Variants in PCCA observed in about 807,000 individuals in gnomAD.
PCCA encodes the protein propionyl-CoA carboxylase subunit alpha, also known as propionyl-CoA carboxylase alpha chain, mitochondrial.
PCCA carries 74 observed loss-of-function variants against 101.3 expected under a neutral mutation model. The ratio of observed to expected loss-of-function variants is 0.73; its 90% CI spans 0.61 to 0.89. The LOEUF is 0.89. Among genes scored for constraint, PCCA ranks in the 40% least tolerant of loss-of-function variants. PCCA has a pLI of 0.00. For synonymous variants in PCCA, 294 were observed against 313.6 expected (o/e 0.94, Z 0.66); for missense variants, 891 against 907.0 (o/e 0.98, Z 0.23).
chr13:100,205,538 C>CTTTTTTT (rs3034652), intron 6 of PCCA, among the ~76,000 whole-genome samples: 3 of 112,130 alleles, frequency 2.7e-5, no homozygotes, highest in African/African-American at 3.5e-5. Flanking sequence ...TTGATATAAG[C>CTTTTTTT]TTTTTTTTTT....
In PCCA at chr13:100,371,977, T is replaced by C. The variant is rs1405312948; in HGVS notation, c.1746+3403T>C. On this transcript the variant is annotated intron_variant, in intron 19 of 23. Coordinates refer to ENST00000376285, the MANE Select transcript of PCCA (RefSeq NM_000282.4). ...GAATAAATTTGGGTCCTTTTCTTAC[T>C]CTGTATACAAAACTAACCAAAATGG... Among the ~76,000 whole-genome samples, 2 of 152,202 alleles carry C rather than the reference T, an allele frequency of 1.3e-5. 1 individual carries two copies. The highest frequency in any genetic ancestry group is 2.9e-5 in the Non-Finnish European group (2 of 68,040).
At chr13:100,154,677 T>C in intron 4 of PCCA, 1 of 357,814 alleles carries the variant, frequency 2.8e-6, no homozygotes, top group Non-Finnish European at 5.3e-6. Context: ...ATATCAAATT[T>C]ATGTATTGAT....
At chr13:100,433,118 G>A (rs993380163) in intron 20 of PCCA, among the ~76,000 whole-genome samples, 2 of 152,178 alleles carry the variant, frequency 1.3e-5, no homozygotes, top group African/African-American at 4.8e-5. Context: ...ACAAATATCT[G>A]TTTGAGTACC....
At position 100,276,300 on chromosome 13, in the gene PCCA, C is replaced by A. The variant is rs115314167; in HGVS notation, c.1065+2954C>A. ...TCAATTTATTGAAAATATTATTTCA[C>A]TGTTTCTGGTGAGACTTCCCCACTC... On this transcript the variant is annotated intron_variant, in intron 12 of 23. Transcript: ENST00000376285. Among the ~76,000 whole-genome samples the A allele has an allele frequency of 2.1e-3, 307 of 147,624 alleles. 3 individuals carry two copies. The highest frequency in any genetic ancestry group is 7.4e-3 in the African/African-American group (296 of 40,066).
intron 6 of PCCA, 52 bp from the exon 7 acceptor site, chr13:100,209,280 A>G: frequency 2.6e-6 from 4 of 1,552,540 alleles, no homozygotes; most frequent in East Asian, 2.2e-5. Flanking sequence ...GTGACTCCAC[A>G]TCATGCTCCG....
chr13:100,303,013 TGTAATACCAGCTGAAGG>T lies in PCCA; in HGVS notation c.1284+18_1284+34del, dbSNP rs762232744. 8 of 1,428,040 alleles carry T rather than the reference TGTAATACCAGCTGAAGG, an allele frequency of 5.6e-6. No homozygotes were observed. In the East Asian group the frequency reaches 1.8e-4, roughly 32 times the overall value. The allele number at this position is 1,428,040 out of a possible 1,614,324, so 88.5% of individuals were successfully genotyped here. A position where few individuals can be genotyped will look rare whatever the true frequency, so the allele number is the denominator to read the frequency against. ...ATCTACCTGGTGTAAGTCATTAAGC[TGTAATACCAGCTGAAGG>T]GTTAAAATCGTGATTTATGTCATAC... On this transcript the variant is annotated intron_variant, in intron 14 of 23. Transcript: ENST00000376285.
At chr13:100,514,560 A>G (rs1390882710) in intron 21 of PCCA, among the ~76,000 whole-genome samples, 1 of 152,158 alleles carries the variant, frequency 6.6e-6, no homozygotes, top group Non-Finnish European at 1.5e-5. Context: ...AAACCATTTT[A>G]TCTTTTTTCT....
chr13:100,481,770 T>C (rs2083960468), intron 21 of PCCA, among the ~76,000 whole-genome samples: 1 of 152,152 alleles, frequency 6.6e-6, no homozygotes, highest in Non-Finnish European at 1.5e-5. Context: ...AACTTATACA[T>C]TGTTTATTTC....
intron 4 of PCCA, among the ~76,000 whole-genome samples, chr13:100,152,969 G>T (rs1406643071): frequency 1.3e-5 from 2 of 152,078 alleles, no homozygotes; most frequent in African/African-American, 4.8e-5. Context: ...ATGTGCCTAT[G>T]TGTATCTTTT....
chr13:100,381,788 C>T (rs774885308), intron 19 of PCCA, among the ~76,000 whole-genome samples: 8 of 152,198 alleles, frequency 5.3e-5, no homozygotes, highest in Admixed American at 2.6e-4. Context: ...ACTGACCAGC[C>T]GTTTTGGCGC....
At chr13:100,448,996 A>T (rs571502644) in intron 20 of PCCA, among the ~76,000 whole-genome samples, 1 of 152,310 alleles carries the variant, frequency 6.6e-6, no homozygotes, top group African/African-American at 2.4e-5. Flanking sequence ...TTCCATCTCC[A>T]TGGATTTTAC....
chr13:100,141,251 A>G (rs1480726924), intron 4 of PCCA, among the ~76,000 whole-genome samples: 1 of 152,150 alleles, frequency 6.6e-6, no homozygotes, highest in Non-Finnish European at 1.5e-5. Context: ...ACAGATTTCT[A>G]TACTGGCACC....
At chr13:100,138,922 A>G in intron 4 of PCCA, among the ~76,000 whole-genome samples, 2 of 133,312 alleles carry the variant, frequency 1.5e-5, no homozygotes, top group South Asian at 2.6e-4. Context: ...GAGACAGAGC[A>G]AAACTCCATC....
At chr13:100,407,342 A>G (rs1303629803) in intron 19 of PCCA, among the ~76,000 whole-genome samples, 2 of 152,180 alleles carry the variant, frequency 1.3e-5, no homozygotes, top group Admixed American at 1.3e-4. Context: ...AGGAAAGACA[A>G]TTTTGAAACT....
At chr13:100,472,264 C>T (rs781001153) in intron 21 of PCCA, among the ~76,000 whole-genome samples, 1 of 152,056 alleles carries the variant, frequency 6.6e-6, no homozygotes, top group Non-Finnish European at 1.5e-5. Context: ...TGGGCAAGGT[C>T]CCTGGGCACG....
At chr13:100,147,555 A>G (rs1457676147) in intron 4 of PCCA, among the ~76,000 whole-genome samples, 1 of 152,220 alleles carries the variant, frequency 6.6e-6, no homozygotes, top group African/African-American at 2.4e-5. Context: ...CTATTCCTAG[A>G]ATTTCACTCT....
intron 8 of PCCA, among the ~76,000 whole-genome samples, chr13:100,250,815 A>G (rs2061703407): frequency 6.6e-6 from 1 of 152,154 alleles, no homozygotes; most frequent in Non-Finnish European, 1.5e-5. Context: ...GGCTTTAAAA[A>G]AGTTTTCTTA....
intron 10 of PCCA, among the ~76,000 whole-genome samples, chr13:100,265,522 A>G (rs1156291595): frequency 6.6e-6 from 1 of 152,102 alleles, no homozygotes; most frequent in African/African-American, 2.4e-5. Flanking sequence ...AATTTCCGTG[A>G]AAAGTTTAGA....
chr13:100,336,904 T>C (rs1566954827), intron 17 of PCCA, among the ~76,000 whole-genome samples: 2 of 152,096 alleles, frequency 1.3e-5, no homozygotes, highest in Non-Finnish European at 2.9e-5. Flanking sequence ...CTCTGAAGAG[T>C]GCTTGAGGCT....
Sources: allele counts gnomAD v4.1 joint callset (sites outside exome capture counted in the v4.1 genomes callset), GRCh38; gene constraint gnomAD v4.1.1; transcripts MANE v1.5; gene names NCBI Gene and HGNC (gene_info 2026-07-23, HGNC 2026-07-21).